The following MLN variants were observed in gnomAD, a reference collection of about 807,000 sequenced individuals.
MLN encodes the protein motilin, also known as promotilin.
In MLN, 14 loss-of-function variants were observed where a neutral mutation model predicts 13.3. That is an observed-to-expected ratio of 1.05 (90% CI 0.69 to 1.64). The LOEUF is 1.64. Among genes scored for constraint, MLN ranks in the 40% most tolerant of loss-of-function variants. MLN has a pLI of 0.00. For synonymous variants in MLN, 59 were observed against 54.7 expected, an observed-to-expected ratio of 1.08 and a Z score of -0.34; for missense variants, 122 against 142.9, an observed-to-expected ratio of 0.85 and a Z score of 0.75.
chr6:33,798,468 G>C (rs551976522), intron 3 of MLN, among the ~76,000 whole-genome samples: 1 of 152,352 alleles, frequency 6.6e-6, no homozygotes, highest in South Asian at 2.1e-4. Flanking sequence ...CCTGTGGCTG[G>C]CTCCTGGGTT....
intron 3 of MLN, among the ~76,000 whole-genome samples, chr6:33,796,120 C>T (rs542074687): frequency 2.6e-5 from 4 of 152,048 alleles, no homozygotes; most frequent in African/African-American, 7.2e-5. Context: ...CTACCACGCC[C>T]GGCTAATTTT....
At chr6:33,802,378 C>G (rs1760863186) in intron 1 of MLN, among the ~76,000 whole-genome samples, 1 of 152,118 alleles carries the variant, frequency 6.6e-6, no homozygotes, top group Non-Finnish European at 1.5e-5. Context: ...AGCGCTCCTC[C>G]AGTCCCCAGG....
chr6:33,797,292 C>A (rs1168311455), intron 3 of MLN, among the ~76,000 whole-genome samples: 1 of 152,230 alleles, frequency 6.6e-6, no homozygotes, highest in East Asian at 1.9e-4. Context: ...TCCATCCACA[C>A]CTGTCCCCTC....
chr6:33,801,104 G>A lies in MLN; in HGVS notation c.60C>T (p.Ala20=), dbSNP rs756145486. Residue 20 remains alanine (A), a synonymous_variant, in exon 2 of 5, where the codon GCC becomes GCT. Coordinates refer to ENST00000430124, the MANE Select transcript of MLN (RefSeq NM_002418.3). The part of the protein sequence containing the change: ...LLVVHVAAML[A]SQTEAFVPIF... ...TGGGGACGAAGGCTTCCGTCTGGGAGGCCAGCATGGCAGCTACATGCACCA... is the reference window on the plus strand; with the variant it reads ...TGGGGACGAAGGCTTCCGTCTGGGAAGCCAGCATGGCAGCTACATGCACCA... 5.0e-6 allele frequency: 8 copies of A among 1,614,158 alleles called. No individual in the cohort carries two copies. Among genetic ancestry groups the A allele is most frequent in the Non-Finnish European group, 6.8e-6 (8 of 1,180,004 alleles).
chr6:33,801,218 C>A, intron 1 of MLN, 48 bp from the exon 2 acceptor site: 1 of 1,411,140 alleles, frequency 7.1e-7, no homozygotes, highest in Non-Finnish European at 1.0e-6. Flanking sequence ...GGTACAGTGG[C>A]AGACTGCTGT....
chr6:33,803,288 C>A lies in MLN; in HGVS notation c.-8+665G>T, dbSNP rs977890430. On this transcript the variant is annotated intron_variant, in intron 1 of 4. Coordinates refer to ENST00000430124, the MANE Select transcript of MLN (RefSeq NM_002418.3). The surrounding 1 kb of genome is among the most constrained non-coding windows in gnomAD (Gnocchi z 4.5). ...TGCTCTCCCTCGGGGTCAACTTTTTCTTTTCCTTTTCTTTTCTTCTTTTTT... is the reference window on the plus strand; with the variant it reads ...TGCTCTCCCTCGGGGTCAACTTTTTATTTTCCTTTTCTTTTCTTCTTTTTT... 6.7e-6 allele frequency among the ~76,000 whole-genome samples: 1 copy of A among 149,372 alleles called. No individual in the cohort carries two copies.
intron 1 of MLN, among the ~76,000 whole-genome samples, chr6:33,802,168 C>A (rs1760847187): frequency 6.6e-6 from 1 of 152,150 alleles, no homozygotes; most frequent in African/African-American, 2.4e-5. Context: ...TCCCAATACC[C>A]CACTCTACGT....
intron 2 of MLN, 24 bp downstream of exon 2, chr6:33,801,023 G>A: frequency 6.5e-7 from 1 of 1,543,778 alleles, no homozygotes; most frequent in Non-Finnish European, 9.0e-7. Context: ...CTTGCTAGCA[G>A]GGCAGGCAGC....
At chr6:33,800,751 A>C (rs1768024951) in intron 2 of MLN, among the ~76,000 whole-genome samples, 2 of 152,252 alleles carry the variant, frequency 1.3e-5, no homozygotes, top group South Asian at 4.1e-4. Context: ...ATTCTTCTGC[A>C]TGCTCGGGCT....
chr6:33,802,149 C>T (rs1760846850), intron 1 of MLN, among the ~76,000 whole-genome samples: 1 of 152,138 alleles, frequency 6.6e-6, no homozygotes, highest in African/African-American at 2.4e-5. Flanking sequence ...TTTTGAGGCC[C>T]AGTGCTTTTC....
chr6:33,795,338 C>G (rs1767887642), intron 4 of MLN, among the ~76,000 whole-genome samples, 165 bp downstream of exon 4: 1 of 152,234 alleles, frequency 6.6e-6, no homozygotes. Flanking sequence ...AGAACTGCTG[C>G]AGCCACCAGC....
chr6:33,799,246 C>A lies in MLN; in HGVS notation c.118-25G>T. The A allele has an allele frequency of 6.4e-7, 1 of 1,565,940 alleles. No homozygotes were observed. ...CCTAGGGGCAGAACAGAAAATTGCA[C>A]AAAACCGCCCTCCCTCAACCCACGC... On this transcript the variant is annotated intron_variant, in intron 2 of 4. Transcript: ENST00000430124. The surrounding 1 kb of genome is among the most constrained non-coding windows in gnomAD (Gnocchi z 4.6).
In MLN at chr6:33,801,155, G is replaced by A; in HGVS notation, c.9C>T (p.Ser3=). 2 of 1,613,376 alleles carry A rather than the reference G, an allele frequency of 1.2e-6. No individual in the cohort carries two copies. Among genetic ancestry groups the A allele is most frequent in the Non-Finnish European group, 1.7e-6 (2 of 1,179,380 alleles). Residue 3 remains serine (S), a synonymous_variant, in exon 2 of 5, where the codon TCC becomes TCT. Coordinates refer to ENST00000430124, the MANE Select transcript of MLN (RefSeq NM_002418.3). Reference sequence around the variant, plus strand: ...CCAGCAGAGCAGCCACAGCCTTACGGGATACCATCTTGGAGCTGGACAATG... The same window carrying A: ...CCAGCAGAGCAGCCACAGCCTTACGAGATACCATCTTGGAGCTGGACAATG... MV[S]RKAVAALLVV...
At chr6:33,800,522 A>C (rs942074996) in intron 2 of MLN, among the ~76,000 whole-genome samples, 6 of 152,118 alleles carry the variant, frequency 3.9e-5, no homozygotes, top group African/African-American at 1.4e-4. Context: ...CAAGGCCCCC[A>C]GCTGAGTTCC....
intron 3 of MLN, among the ~76,000 whole-genome samples, chr6:33,796,955 T>A (rs940265127): frequency 1.3e-5 from 2 of 152,234 alleles, no homozygotes; most frequent in African/African-American, 4.8e-5. Context: ...GAGGTGATTC[T>A]GAGTGTGCTC....
At chr6:33,802,904 G>A (rs1200562579) in intron 1 of MLN, among the ~76,000 whole-genome samples, 1 of 152,088 alleles carries the variant, frequency 6.6e-6, no homozygotes, top group Non-Finnish European at 1.5e-5. Flanking sequence ...AGACGGATGT[G>A]TCACATTTAT....
intron 4 of MLN, 33 bp downstream of exon 4, chr6:33,795,470 G>A (rs1190650737): frequency 6.5e-7 from 1 of 1,531,310 alleles, no homozygotes; most frequent in Non-Finnish European, 8.9e-7. Flanking sequence ...GCGGAGGCCG[G>A]CCAAGCCACA....
intron 2 of MLN, among the ~76,000 whole-genome samples, chr6:33,800,468 G>A (rs958868488): frequency 2.0e-5 from 3 of 152,148 alleles, no homozygotes; most frequent in Non-Finnish European, 4.4e-5. Flanking sequence ...CTTGTTTCCC[G>A]CCTCTGGGCG....
At chr6:33,800,951 C>G (rs76801482) in intron 2 of MLN, 96 bp downstream of exon 2, 13,544 of 957,042 alleles carry the variant, frequency 0.014, 367 homozygotes, top group African/African-American at 0.076. Flanking sequence ...TGGGGGTTAT[C>G]TTGGGTCCTG....
Sources: gnomAD v4.1 joint callset for allele counts (sites outside exome capture counted in the v4.1 genomes callset) on GRCh38, gnomAD v4.1.1 for gene constraint, Gnocchi (gnomAD v3.1) non-coding constraint, MANE v1.5 for transcripts, NCBI Gene and HGNC (gene_info 2026-07-23, HGNC 2026-07-21) for gene names.